COMMD1: variants seen among roughly 807,000 people sequenced by gnomAD.
COMMD1 encodes copper metabolism domain containing 1, also known as COMM domain-containing protein 1.
COMMD1 carries 10 observed loss-of-function variants against 17.2 expected under a neutral mutation model. That is an observed-to-expected ratio of 0.58 (90% CI 0.36 to 0.99). The LOEUF (loss-of-function observed/expected upper bound fraction) is 0.99, where lower values mean the gene tolerates loss of function less well. Ranked by LOEUF, COMMD1 falls within the 50% of genes least tolerant of loss-of-function variation. The pLI is 0.01. For missense variants in COMMD1, 270 were observed against 231.8 expected (o/e 1.17, Z -1.07); for synonymous variants, 97 against 91.6 (o/e 1.06, Z -0.34).
intron 1 of COMMD1, among the ~76,000 whole-genome samples, chr2:61,889,853 C>A (rs1311154841): frequency 6.6e-6 from 1 of 152,108 alleles, no homozygotes; most frequent in East Asian, 1.9e-4. Flanking sequence ...CATTTATTTC[C>A]GTTATCTGCT....
intron 2 of COMMD1, among the ~76,000 whole-genome samples, chr2:62,105,172 A>G (rs1195691166): frequency 1.3e-5 from 2 of 151,830 alleles, no homozygotes; most frequent in African/African-American, 2.4e-5. Flanking sequence ...TATATAACAT[A>G]ATAGTAGATT....
At chr2:62,095,965 G>T (rs780905750) in intron 2 of COMMD1, among the ~76,000 whole-genome samples, 1 of 148,632 alleles carries the variant, frequency 6.7e-6, no homozygotes, top group Non-Finnish European at 1.5e-5. Flanking sequence ...AAAAATCTGG[G>T]TTATATATAC....
intron 1 of COMMD1, among the ~76,000 whole-genome samples, chr2:61,893,766 A>G (rs1281229627): frequency 1.3e-5 from 2 of 151,966 alleles, no homozygotes; most frequent in Non-Finnish European, 2.9e-5. Context: ...GTGAGCTGAA[A>G]TCACACCATT....
In COMMD1 at chr2:61,895,141, AGAGAGATTTAAGAAAGT is replaced by A. The variant is rs1367147183; in HGVS notation, n.119+6313_119+6329del. ...AGATGAAAGGGTAACTTATGGAATAAGAGAGATTTAAGAAAGTGAGAGATTTAAGACAGCCAGGAGAG... is the reference window on the plus strand; with the variant it reads ...AGATGAAAGGGTAACTTATGGAATAAGAGAGATTTAAGACAGCCAGGAGAG... On this transcript the variant is annotated intron_variant and non_coding_transcript_variant, in intron 1 of 2. Coordinates refer to the COMMD1 transcript ENST00000472729. Among the ~76,000 whole-genome samples the A allele has an allele frequency of 2.0e-5, 3 of 152,256 alleles. No homozygotes were observed. The East Asian group carries it at 5.8e-4, about 29-fold the overall frequency.
intron 2 of COMMD1, among the ~76,000 whole-genome samples, chr2:62,081,075 T>C (rs59840255): frequency 0.048 from 7,370 of 152,088 alleles, 619 homozygotes; most frequent in African/African-American, 0.17. Flanking sequence ...TGTTTTTTGA[T>C]TTTAGGATTA....
At chr2:61,942,252 C>T (rs1462353370) in intron 1 of COMMD1, among the ~76,000 whole-genome samples, 4 of 151,774 alleles carry the variant, frequency 2.6e-5, no homozygotes, top group East Asian at 1.9e-4. Context: ...TACAGGCATG[C>T]GCCACCACGG....
At chr2:61,988,239 ATAACCAC>A in intron 1 of COMMD1, among the ~76,000 whole-genome samples, 1 of 152,170 alleles carries the variant, frequency 6.6e-6, no homozygotes, top group Admixed American at 6.5e-5. Context: ...GTCTCTCCCC[ATAACCAC>A]ATAGGTAGGA....
intron 2 of COMMD1, among the ~76,000 whole-genome samples, chr2:62,117,107 C>T (rs1672631483): frequency 6.6e-6 from 1 of 152,044 alleles, no homozygotes; most frequent in Non-Finnish European, 1.5e-5. Flanking sequence ...TGCCCCCACA[C>T]ATACCCACAG....
chr2:61,920,993 T>C (rs1670179079), intron 1 of COMMD1, among the ~76,000 whole-genome samples: 1 of 146,102 alleles, frequency 6.8e-6, no homozygotes, highest in African/African-American at 2.7e-5. Context: ...TTTTTTTTTT[T>C]TTGAGACAGA....
intron 2 of COMMD1, among the ~76,000 whole-genome samples, chr2:62,025,859 T>G (rs1669739909): frequency 6.6e-6 from 1 of 152,086 alleles, no homozygotes; most frequent in African/African-American, 2.4e-5. Context: ...CGGCTAATTT[T>G]TTTTTTATAG....
intron 1 of COMMD1, among the ~76,000 whole-genome samples, chr2:61,916,779 G>A (rs1670062994): frequency 6.6e-6 from 1 of 152,132 alleles, no homozygotes; most frequent in Admixed American, 6.6e-5. Flanking sequence ...TTAAAATGCA[G>A]TATTTGGAAT....
At chr2:62,030,789 G>A (rs7589807) in intron 2 of COMMD1, among the ~76,000 whole-genome samples, 19,364 of 151,876 alleles carry the variant, frequency 0.13, 3,035 homozygotes, top group African/African-American at 0.37. Flanking sequence ...TATCCAAAAT[G>A]TATTAGTTAT....
intron 1 of COMMD1, among the ~76,000 whole-genome samples, chr2:61,977,382 T>C (rs1671832052): frequency 1.3e-5 from 2 of 151,426 alleles, no homozygotes; most frequent in African/African-American, 4.9e-5. Context: ...GTAGCTGGGA[T>C]TACAGGCATG....
At chr2:61,953,855 G>A (rs186072093) in intron 1 of COMMD1, among the ~76,000 whole-genome samples, 325 of 152,138 alleles carry the variant, frequency 2.1e-3, no homozygotes, top group Non-Finnish European at 3.3e-3. Context: ...TGTGGGTTAC[G>A]TAGTAGGTGT....
chr2:61,939,325 G>T (rs553860946), intron 1 of COMMD1, among the ~76,000 whole-genome samples: 1 of 151,742 alleles, frequency 6.6e-6, no homozygotes, highest in Non-Finnish European at 1.5e-5. Context: ...AATTAGCTGG[G>T]CATGGTGGCA....
intron 1 of COMMD1, among the ~76,000 whole-genome samples, chr2:61,943,781 G>T (rs1233492181): frequency 1.3e-5 from 2 of 152,124 alleles, no homozygotes; most frequent in Non-Finnish European, 2.9e-5. Context: ...CTTGCAGTGG[G>T]CCGAGATCCC....
intron 1 of COMMD1, among the ~76,000 whole-genome samples, chr2:61,958,483 T>C (rs1671253849): frequency 6.6e-6 from 1 of 152,142 alleles, no homozygotes; most frequent in Non-Finnish European, 1.5e-5. Flanking sequence ...GCCAGGCTGC[T>C]CTTGAACTCC....
At chr2:61,922,119 A>G (rs1670215451) in intron 1 of COMMD1, among the ~76,000 whole-genome samples, 1 of 152,168 alleles carries the variant, frequency 6.6e-6, no homozygotes, top group South Asian at 2.1e-4. Flanking sequence ...TCTTCGTTTT[A>G]TAATGTTTTG....
intron 2 of COMMD1, among the ~76,000 whole-genome samples, chr2:62,041,347 G>C (rs745813083): frequency 4.6e-5 from 7 of 151,616 alleles, no homozygotes; most frequent in Non-Finnish European, 8.8e-5. Flanking sequence ...TTGTAAAGTT[G>C]ATGTGTGTTT....
Sources: gnomAD v4.1 joint callset for allele counts (sites outside exome capture counted in the v4.1 genomes callset) on GRCh38, gnomAD v4.1.1 for gene constraint, MANE v1.5 for transcripts, NCBI Gene and HGNC (gene_info 2026-07-23, HGNC 2026-07-21) for gene names.